Variants in RARB observed in about 807,000 individuals in gnomAD.
The protein encoded by RARB is retinoic acid receptor beta.
A neutral mutation model predicts 51.9 loss-of-function variants in RARB; 17 were observed. The observed-to-expected ratio is 0.33, with a 90% CI of 0.22 to 0.49. The LOEUF is 0.49. RARB is among the 20% of genes least tolerant of loss of function. The probability of loss-of-function intolerance (pLI) is 0.99; values close to 1 mark genes in which losing one functional copy is unlikely to be tolerated. For missense variants in RARB, 369 were observed against 550.8 expected, an observed-to-expected ratio of 0.67 and a Z score of 3.30; for synonymous variants, 215 against 195.4, an observed-to-expected ratio of 1.10 and a Z score of -0.84.
At chr3:25,027,974 A>AT (rs10535825) in intron 2 of RARB, among the ~76,000 whole-genome samples, 3 of 151,546 alleles carry the variant, frequency 2.0e-5, no homozygotes, top group Admixed American at 6.6e-5. Flanking sequence ...TGGCTCATGG[A>AT]TTTTTTTTTT....
At chr3:25,532,605 A>C (rs967322575) in intron 3 of RARB, among the ~76,000 whole-genome samples, 1 of 152,214 alleles carries the variant, frequency 6.6e-6, no homozygotes, top group African/African-American at 2.4e-5. Flanking sequence ...AATCTGCCAT[A>C]TATAATGTGG....
intron 2 of RARB, among the ~76,000 whole-genome samples, chr3:24,867,104 T>C (rs1702864323): frequency 6.6e-6 from 1 of 151,988 alleles, no homozygotes; most frequent in Non-Finnish European, 1.5e-5. Flanking sequence ...TAGGAGTAAT[T>C]GGGGAAGTTT....
intron 3 of RARB, among the ~76,000 whole-genome samples, chr3:25,561,614 G>T (rs994192954): frequency 6.6e-6 from 1 of 151,832 alleles, no homozygotes; most frequent in Admixed American, 6.6e-5. Context: ...CCTCTTTATG[G>T]TCTCTTGGGA....
chr3:24,886,619 T>A (rs1703271891), intron 2 of RARB, among the ~76,000 whole-genome samples: 1 of 151,968 alleles, frequency 6.6e-6, no homozygotes, highest in African/African-American at 2.4e-5. Context: ...TAATTTTAAT[T>A]TTTGTAGAGA....
intron 5 of RARB, among the ~76,000 whole-genome samples, chr3:25,393,436 G>A (rs888699561): frequency 6.6e-6 from 1 of 151,904 alleles, no homozygotes; most frequent in South Asian, 2.1e-4. Context: ...CTCTTTCTCT[G>A]TCTTTTGTAA....
intron 5 of RARB, among the ~76,000 whole-genome samples, chr3:25,377,273 G>A (rs73820454): frequency 0.04 from 6,123 of 152,254 alleles, 137 homozygotes; most frequent in Middle Eastern, 0.065. Context: ...TTGTTAGGCT[G>A]AATACCAACC....
At chr3:25,403,458 A>C (rs1009948056) in intron 5 of RARB, among the ~76,000 whole-genome samples, 3 of 152,168 alleles carry the variant, frequency 2.0e-5, no homozygotes, top group African/African-American at 7.2e-5. Flanking sequence ...AACAAACAAA[A>C]AAGTAAGGCC....
At chr3:25,454,222 C>CTTTA (rs1225101679) in intron 1 of RARB, among the ~76,000 whole-genome samples, 4 of 152,260 alleles carry the variant, frequency 2.6e-5, no homozygotes, top group Admixed American at 1.3e-4. Context: ...ATTACTTGTA[C>CTTTA]TTTAGTTGAA....
chr3:25,548,639 C>T (rs1425376405), intron 3 of RARB, among the ~76,000 whole-genome samples: 4 of 92,476 alleles, frequency 4.3e-5, no homozygotes, highest in South Asian at 6.7e-4. Context: ...TGACCTCCCC[C>T]GACAAAAAAA....
rs1052388796 is a variant in RARB, at chr3:25,220,331, A to G, written c.178+45756A>G. Among the ~76,000 whole-genome samples, 5 of 152,194 alleles carry G rather than the reference A, an allele frequency of 3.3e-5. No homozygotes were observed. In the East Asian group the frequency reaches 9.6e-4, roughly 29 times the overall value. On this transcript the variant is annotated intron_variant, in intron 5 of 11. Coordinates refer to the RARB transcript ENST00000383772. ...AACTTAGATGTTGTGTTTTTAACCA[A>G]TATTTAAGTTATCACATGTCATTTG... is the stretch of plus-strand genomic sequence containing the variant.
intron 2 of RARB, among the ~76,000 whole-genome samples, chr3:24,874,328 T>C (rs1703003248): frequency 6.6e-6 from 1 of 152,132 alleles, no homozygotes; most frequent in African/African-American, 2.4e-5. Flanking sequence ...GAATGTTGAT[T>C]AAATCAACCC....
intron 4 of RARB, among the ~76,000 whole-genome samples, chr3:25,142,925 T>G (rs1288432530): frequency 6.6e-6 from 1 of 152,102 alleles, no homozygotes; most frequent in Non-Finnish European, 1.5e-5. Context: ...TGATCCAGTC[T>G]CAGAGATAAT....
intron 5 of RARB, among the ~76,000 whole-genome samples, chr3:25,315,654 C>T (rs531729510): frequency 6.6e-6 from 1 of 152,286 alleles, no homozygotes; most frequent in East Asian, 1.9e-4. Flanking sequence ...TGCTCTGTCG[C>T]CCAGGCTGGA....
chr3:25,178,371 A>T (rs1379732756), intron 5 of RARB, among the ~76,000 whole-genome samples: 1 of 152,164 alleles, frequency 6.6e-6, no homozygotes, highest in African/African-American at 2.4e-5. Flanking sequence ...TTACTCACAC[A>T]GCATTTAGTG....
chr3:25,340,594 T>C (rs1015155767), intron 5 of RARB, among the ~76,000 whole-genome samples: 1 of 152,182 alleles, frequency 6.6e-6, no homozygotes, highest in African/African-American at 2.4e-5. Flanking sequence ...AAGTGAGGAC[T>C]TTTTTTCTCC....
rs146573695 is a variant in RARB at position 25,130,644 on chromosome 3, G to T, written c.-327-1517G>T. 1.4e-4 allele frequency among the ~76,000 whole-genome samples: 22 copies of T among 151,832 alleles called. No homozygotes were observed. The East Asian group carries it at 4.3e-3, about 29-fold the overall frequency. The stretch of plus-strand genomic sequence containing the variant: ...AACAAGAGAGGGACCTGGGTGTGGG[G>T]GAATTTGCCTTCTGTGCTCCAATTC... On this transcript the variant is annotated intron_variant, in intron 3 of 11. Transcript: ENST00000383772.
chr3:25,201,539 T>C (rs1373097799), intron 5 of RARB, among the ~76,000 whole-genome samples: 6 of 152,210 alleles, frequency 3.9e-5, no homozygotes, highest in African/African-American at 9.6e-5. Context: ...CCAGTTTTTG[T>C]CCATTCAGTA....
At chr3:25,365,709 C>G (rs774083941) in intron 5 of RARB, among the ~76,000 whole-genome samples, 1 of 152,126 alleles carries the variant, frequency 6.6e-6, no homozygotes, top group African/African-American at 2.4e-5. Flanking sequence ...TAGGATAATT[C>G]AAAGGTTGAG....
At chr3:25,105,873 G>A (rs1033724214) in intron 3 of RARB, among the ~76,000 whole-genome samples, 3 of 152,118 alleles carry the variant, frequency 2.0e-5, no homozygotes, top group Admixed American at 6.5e-5. Flanking sequence ...TAACATCAGA[G>A]GAAAATTAAG....
Sources: gnomAD v4.1 joint callset for allele counts (sites outside exome capture counted in the v4.1 genomes callset) on GRCh38, gnomAD v4.1.1 for gene constraint, MANE v1.5 for transcripts, NCBI Gene and HGNC (gene_info 2026-07-23, HGNC 2026-07-21) for gene names.